The following TCEA3 variants were observed in gnomAD, a reference collection of about 807,000 sequenced individuals.
TCEA3 encodes the protein transcription elongation factor A protein 3.
A neutral mutation model predicts 44.0 loss-of-function variants in TCEA3; 36 were observed. That is an observed-to-expected ratio of 0.82 (90% confidence interval 0.63 to 1.08). The LOEUF (loss-of-function observed/expected upper bound fraction) is 1.08, where lower values mean the gene tolerates loss of function less well. TCEA3 is among the 50% of genes least tolerant of loss of function. The pLI, the probability that TCEA3 is intolerant of heterozygous loss-of-function variation, is 0.00. For missense variants in TCEA3, 392 were observed against 441.2 expected, an observed-to-expected ratio of 0.89 and a Z score of 1.00; for synonymous variants, 162 against 159.7, an observed-to-expected ratio of 1.01 and a Z score of -0.11.
intron 5 of TCEA3, among the ~76,000 whole-genome samples, chr1:23,404,311 C>T (rs1272669226): frequency 1.2e-4 from 18 of 151,922 alleles, no homozygotes; most frequent in Admixed American, 9.2e-4. Context: ...ACTTCCACAC[C>T]TTTGGGTGTG....
chr1:23,399,154 A>ATATATG (rs1333471129), intron 5 of TCEA3, among the ~76,000 whole-genome samples: 1 of 107,222 alleles, frequency 9.3e-6, no homozygotes, highest in East Asian at 3.6e-4. Flanking sequence ...GTATATATAT[A>ATATATG]TATATATATA....
In TCEA3 at chr1:23,384,234, G is replaced by A. The variant is rs1274386542; in HGVS notation, c.1038+112C>T. On this transcript the variant is annotated intron_variant, in intron 10 of 10. Transcript: ENST00000450454. ...GGCTCTGCAGACCTACTCTGTGCAG[G>A]CTGGCAAGTGCTGCCATGCACAAGG... 10 of 1,589,962 alleles carry A rather than the reference G, an allele frequency of 6.3e-6. No homozygotes were observed. In the African/African-American group the frequency reaches 9.4e-5, roughly 15 times the overall value.
At chr1:23,411,507 G>T in intron 4 of TCEA3, 1 of 226,606 alleles carries the variant, frequency 4.4e-6, no homozygotes, top group South Asian at 8.2e-5. Flanking sequence ...GTGAATACAC[G>T]GATAAAAATA....
At chr1:23,387,193 C>A in intron 9 of TCEA3, 80 bp downstream of exon 9, 3 of 1,548,788 alleles carry the variant, frequency 1.9e-6, no homozygotes, top group South Asian at 1.2e-5. Context: ...TCTGGCTCTT[C>A]CCTAAGCTTC....
chr1:23,422,697 C>T (rs1340358277), intron 1 of TCEA3, among the ~76,000 whole-genome samples: 1 of 152,138 alleles, frequency 6.6e-6, no homozygotes, highest in Non-Finnish European at 1.5e-5. Context: ...AGGGACCCTG[C>T]GGCCAGACTT....
intron 1 of TCEA3, among the ~76,000 whole-genome samples, chr1:23,422,990 T>C (rs1336295308): frequency 1.3e-5 from 2 of 152,178 alleles, no homozygotes; most frequent in African/African-American, 4.8e-5. Flanking sequence ...TGGCCCAAGC[T>C]TGGGGGTCAG....
At chr1:23,390,001 G>A (rs1272975671) in intron 8 of TCEA3, among the ~76,000 whole-genome samples, 2 of 152,168 alleles carry the variant, frequency 1.3e-5, no homozygotes, top group Admixed American at 6.5e-5. Context: ...GCATTTACAC[G>A]AGATTGCAAG....
chr1:23,387,380 T>C lies in TCEA3; in HGVS notation c.859A>G (p.Met287Val). The change falls in exon 9 of 11, where the codon ATG (methionine) becomes GTG (valine). Residue 287 changes from methionine (M) to valine (V), a missense_variant. Met to Val is a conservative substitution (Grantham distance 21). Transcript: ENST00000450454. ...SDELRELRNA[M>V]TQEAIREHQM... is the part of the protein sequence containing the mutation. ...TGCTCACGGATGGCCTCCTGGGTCATGGCATTCCTCAACTCCCTCAGTTCA... is the reference window on the plus strand; with the variant it reads ...TGCTCACGGATGGCCTCCTGGGTCACGGCATTCCTCAACTCCCTCAGTTCA... The C allele has an allele frequency of 6.2e-7, 1 of 1,611,162 alleles. No individual in the cohort carries two copies. The highest frequency in any genetic ancestry group is 8.5e-7 in the Non-Finnish European group (1 of 1,178,684).
intron 1 of TCEA3, among the ~76,000 whole-genome samples, chr1:23,422,869 G>A (rs151316328): frequency 9.8e-4 from 149 of 152,308 alleles, no homozygotes; most frequent in African/African-American, 3.3e-3. Flanking sequence ...GGAGGCCAGG[G>A]CAGGTCCCGT....
At chr1:23,391,220 C>T (rs1361205937) in intron 8 of TCEA3, among the ~76,000 whole-genome samples, 1 of 137,910 alleles carries the variant, frequency 7.3e-6, no homozygotes, top group African/African-American at 2.7e-5. Context: ...TCAAGCGATT[C>T]TCCTGCCTCA....
intron 5 of TCEA3, among the ~76,000 whole-genome samples, chr1:23,402,577 G>A (rs1615169): frequency 0.13 from 20,230 of 152,080 alleles, 2,901 homozygotes; most frequent in African/African-American, 0.34. Flanking sequence ...GTCTCAGCTC[G>A]CATGAGGGAG....
chr1:23,410,968 G>T, intron 4 of TCEA3: 1 of 190,278 alleles, frequency 5.3e-6, no homozygotes, highest in Admixed American at 4.9e-5. Context: ...CTTATCATGA[G>T]ACAGATGGAA....
At chr1:23,406,287 T>C (rs1199008576) in intron 5 of TCEA3, among the ~76,000 whole-genome samples, 5 of 152,206 alleles carry the variant, frequency 3.3e-5, no homozygotes, top group Non-Finnish European at 7.3e-5. Context: ...AATTTTTGTG[T>C]CTCTAATTTT....
At chr1:23,403,421 G>A (rs1639455726) in intron 5 of TCEA3, 1 of 152,156 alleles carries the variant, frequency 6.6e-6, no homozygotes, top group Non-Finnish European at 1.5e-5. Context: ...GCAGATGAAA[G>A]CAACTAAGTG....
At chr1:23,417,536 A>C in intron 3 of TCEA3, 146 bp from the exon 4 acceptor site, 2 of 1,306,056 alleles carry the variant, frequency 1.5e-6, no homozygotes, top group Non-Finnish European at 2.1e-6. Context: ...TTACACACAA[A>C]TGCACAAACA....
At chr1:23,412,198 CAA>C (rs1276365100) in intron 4 of TCEA3, 1 of 152,112 alleles carries the variant, frequency 6.6e-6, no homozygotes, top group Non-Finnish European at 1.5e-5. Flanking sequence ...GTCTCATTTC[CAA>C]ATCACGTATA....
At chr1:23,417,554 C>T (rs971555460) in intron 3 of TCEA3, among the ~76,000 whole-genome samples, 164 bp from the exon 4 acceptor site, 14 of 152,176 alleles carry the variant, frequency 9.2e-5, no homozygotes, top group African/African-American at 2.9e-4. Flanking sequence ...ACAACAGGAA[C>T]GTGTGTACAA....
At chr1:23,402,817 CT>C (rs1339581186) in intron 5 of TCEA3, among the ~76,000 whole-genome samples, 14 of 152,098 alleles carry the variant, frequency 9.2e-5, no homozygotes, top group African/African-American at 3.4e-4. Context: ...TAGGTGGACA[CT>C]TGATACATCA....
At chr1:23,383,491 C>T in intron 10 of TCEA3, 4 of 918,188 alleles carry the variant, frequency 4.4e-6, no homozygotes, top group South Asian at 5.0e-5. Flanking sequence ...ATGATCCTCA[C>T]ATCATCAAAC....
Sources: gnomAD v4.1 joint callset for allele counts (sites outside exome capture counted in the v4.1 genomes callset) on GRCh38, gnomAD v4.1.1 for gene constraint, MANE v1.5 for transcripts, NCBI Gene and HGNC (gene_info 2026-07-23, HGNC 2026-07-21) for gene names.